Variants in PDE7B observed in about 807,000 individuals in gnomAD.
The protein encoded by PDE7B is 3',5'-cyclic-AMP phosphodiesterase 7B.
In PDE7B, 29 loss-of-function variants were observed where a neutral mutation model predicts 56.2. That is an observed-to-expected ratio of 0.52 (90% CI 0.38 to 0.70). The LOEUF (loss-of-function observed/expected upper bound fraction) is 0.70. Ranked by LOEUF, PDE7B falls within the 30% of genes least tolerant of loss-of-function variation. The pLI is 0.00. For missense variants in PDE7B, 490 were observed against 565.0 expected, an observed-to-expected ratio of 0.87 and a Z score of 1.35; for synonymous variants, 197 against 196.9, an observed-to-expected ratio of 1.00 and a Z score of 0.00.
chr6:136,190,562 C>A (rs1779206577), intron 12 of PDE7B, among the ~76,000 whole-genome samples: 1 of 152,168 alleles, frequency 6.6e-6, no homozygotes, highest in Non-Finnish European at 1.5e-5. Context: ...AGCTACACAT[C>A]AAGGAAATAC....
chr6:136,191,569 G>A (rs746862806), intron 12 of PDE7B, 45 bp from the exon 13 acceptor site: 11 of 1,502,886 alleles, frequency 7.3e-6, no homozygotes, highest in Admixed American at 5.1e-5. Flanking sequence ...GTAAGGAGCG[G>A]GTTTCACCAC....
At chr6:135,975,536 T>C (rs909913291) in intron 2 of PDE7B, among the ~76,000 whole-genome samples, 3 of 144,858 alleles carry the variant, frequency 2.1e-5, no homozygotes, top group East Asian at 4.1e-4. Flanking sequence ...AAGATCATCA[T>C]AGACAAGAAT....
intron 1 of PDE7B, among the ~76,000 whole-genome samples, chr6:135,867,909 G>A (rs902865551): frequency 2.2e-4 from 34 of 152,078 alleles, no homozygotes; most frequent in Non-Finnish European, 2.5e-4. Flanking sequence ...TGTATGAGTT[G>A]TTCTCTTTAA....
intron 2 of PDE7B, among the ~76,000 whole-genome samples, chr6:136,008,810 T>G (rs1775835762): frequency 6.6e-6 from 1 of 152,110 alleles, no homozygotes; most frequent in Admixed American, 6.6e-5. Flanking sequence ...TGGTAGTTTC[T>G]TTTGCTGTGC....
At chr6:135,898,863 C>G (rs1317173547) in intron 1 of PDE7B, among the ~76,000 whole-genome samples, 1 of 151,970 alleles carries the variant, frequency 6.6e-6, no homozygotes, top group East Asian at 1.9e-4. Context: ...TGTATTAAAC[C>G]TTTTCAAGAT....
At chr6:135,963,711 T>TA (rs201990374) in intron 2 of PDE7B, among the ~76,000 whole-genome samples, 3 of 142,154 alleles carry the variant, frequency 2.1e-5, no homozygotes, top group South Asian at 4.4e-4. Context: ...TAACTTTTTT[T>TA]AAAAAAACAT....
chr6:136,186,659 A>C (rs1302682675), intron 11 of PDE7B, among the ~76,000 whole-genome samples: 4 of 152,212 alleles, frequency 2.6e-5, no homozygotes, highest in Non-Finnish European at 5.9e-5. Flanking sequence ...GTGAAAGTAG[A>C]GGAGGGAGAA....
intron 2 of PDE7B, among the ~76,000 whole-genome samples, chr6:136,018,739 G>A (rs1776020146): frequency 6.6e-6 from 1 of 151,678 alleles, no homozygotes; most frequent in Non-Finnish European, 1.5e-5. Flanking sequence ...TGTACAATTT[G>A]CCTTTTGTTA....
chr6:136,157,043 A>AT lies in PDE7B; in HGVS notation c.711+1287dup, dbSNP rs1778620522. On this transcript the variant is annotated intron_variant, in intron 8 of 12. Coordinates refer to ENST00000308191, the MANE Select transcript of PDE7B (RefSeq NM_018945.4). Reference sequence around the variant, plus strand: ...ACAATAGCCCAGTGAGGTGAGTACTATTATCATACCTATTTTCCACAGAAA... The same window carrying AT: ...ACAATAGCCCAGTGAGGTGAGTACTATTTATCATACCTATTTTCCACAGAAA... 2.0e-5 allele frequency among the ~76,000 whole-genome samples: 3 copies of AT among 152,198 alleles called. No homozygotes were observed. In the South Asian group the frequency reaches 6.2e-4, roughly 31 times the overall value.
intron 1 of PDE7B, among the ~76,000 whole-genome samples, chr6:135,882,667 T>C (rs370559861): frequency 1.8e-4 from 28 of 152,332 alleles, no homozygotes; most frequent in African/African-American, 6.3e-4. Context: ...ATAGTGTCTA[T>C]GCAGTTTTTT....
At chr6:136,042,954 C>T (rs1296178126) in intron 2 of PDE7B, among the ~76,000 whole-genome samples, 1 of 152,162 alleles carries the variant, frequency 6.6e-6, no homozygotes, top group Non-Finnish European at 1.5e-5. Context: ...AAAACAAGCA[C>T]TTGTTAGTTT....
chr6:136,076,046 G>A (rs1583867756), intron 2 of PDE7B, among the ~76,000 whole-genome samples: 1 of 152,174 alleles, frequency 6.6e-6, no homozygotes, highest in African/African-American at 2.4e-5. Flanking sequence ...CAAGAATAAA[G>A]AGTGGAAAAG....
At chr6:136,038,809 G>C (rs1376455612) in intron 2 of PDE7B, among the ~76,000 whole-genome samples, 1 of 152,188 alleles carries the variant, frequency 6.6e-6, no homozygotes, top group Non-Finnish European at 1.5e-5. Flanking sequence ...CTGAGTTTCA[G>C]TCCCCACCAA....
At chr6:136,077,814 T>G (rs1210558788) in intron 2 of PDE7B, among the ~76,000 whole-genome samples, 1 of 152,200 alleles carries the variant, frequency 6.6e-6, no homozygotes, top group Admixed American at 6.5e-5. Flanking sequence ...TTTTGTTGTT[T>G]ATGGAAAAGC....
chr6:136,053,423 G>T (rs1776669679), intron 2 of PDE7B, among the ~76,000 whole-genome samples: 1 of 151,976 alleles, frequency 6.6e-6, no homozygotes, highest in African/African-American at 2.4e-5. Context: ...ATTCCATGGT[G>T]TATATGTGCC....
chr6:135,949,177 C>A (rs1482252599), intron 2 of PDE7B, among the ~76,000 whole-genome samples: 1 of 152,018 alleles, frequency 6.6e-6, no homozygotes, highest in African/African-American at 2.4e-5. Flanking sequence ...TTGTAGCTTT[C>A]ACCTGGTCTA....
At chr6:136,006,448 G>A (rs1412966324) in intron 2 of PDE7B, among the ~76,000 whole-genome samples, 7 of 152,230 alleles carry the variant, frequency 4.6e-5, no homozygotes, top group Middle Eastern at 3.4e-3. Context: ...GTTCTGTGAA[G>A]AATGTCATTT....
At chr6:135,935,387 C>A in intron 1 of PDE7B, among the ~76,000 whole-genome samples, 1 of 150,420 alleles carries the variant, frequency 6.6e-6, no homozygotes, top group Non-Finnish European at 1.5e-5. Flanking sequence ...GTAATGGCAT[C>A]AAAACTTGTA....
At chr6:136,152,999 G>A (rs889243603) in intron 6 of PDE7B, among the ~76,000 whole-genome samples, 1 of 152,186 alleles carries the variant, frequency 6.6e-6, no homozygotes, top group Non-Finnish European at 1.5e-5. Flanking sequence ...AAGTGATAGA[G>A]GGTTTAAATA....
Sources: allele counts gnomAD v4.1 joint callset (sites outside exome capture counted in the v4.1 genomes callset), GRCh38; gene constraint gnomAD v4.1.1; transcripts MANE v1.5; gene names NCBI Gene and HGNC (gene_info 2026-07-23, HGNC 2026-07-21).